Variants in ANXA3 observed in about 807,000 individuals in gnomAD.
The protein encoded by ANXA3 is 35-alpha calcimedin.
In ANXA3, 46 loss-of-function variants were observed where a neutral mutation model predicts 48.8. The observed-to-expected ratio is 0.94, with a 90% CI of 0.74 to 1.21. The LOEUF (loss-of-function observed/expected upper bound fraction) is 1.21, where lower values mean the gene tolerates loss of function less well. ANXA3 is among the 50% of genes most tolerant of loss of function. ANXA3 has a pLI of 0.00. For missense variants in ANXA3, 383 were observed against 378.6 expected, an observed-to-expected ratio of 1.01 and a Z score of -0.10; for synonymous variants, 128 against 134.7, an observed-to-expected ratio of 0.95 and a Z score of 0.35.
At chr4:78,559,805 C>T (rs1451596752) in intron 2 of ANXA3, among the ~76,000 whole-genome samples, 1 of 152,204 alleles carries the variant, frequency 6.6e-6, no homozygotes, top group Non-Finnish European at 1.5e-5. Context: ...TAGTGCTTAT[C>T]TCATCTACGG....
At chr4:78,589,546 C>A (rs986419400) in intron 6 of ANXA3, among the ~76,000 whole-genome samples, 1 of 152,172 alleles carries the variant, frequency 6.6e-6, no homozygotes, top group Non-Finnish European at 1.5e-5. Flanking sequence ...TTCCTTTTTG[C>A]TTCTAATGTT....
At chr4:78,564,396 C>G (rs1722687551) in intron 2 of ANXA3, among the ~76,000 whole-genome samples, 2 of 152,236 alleles carry the variant, frequency 1.3e-5, no homozygotes, top group Non-Finnish European at 1.5e-5. Flanking sequence ...AGCCAACCAT[C>G]TAGTGTAGAG....
intron 2 of ANXA3, among the ~76,000 whole-genome samples, chr4:78,568,439 C>G (rs1301191523): frequency 6.6e-6 from 1 of 152,178 alleles, no homozygotes; most frequent in Non-Finnish European, 1.5e-5. Context: ...GGAGTTTTAT[C>G]TGGAGCTTTG....
chr4:78,567,653 G>A (rs1722759747), intron 2 of ANXA3, among the ~76,000 whole-genome samples: 1 of 152,108 alleles, frequency 6.6e-6, no homozygotes, highest in Admixed American at 6.5e-5. Context: ...CTTGCAGGTG[G>A]GGCAGTGAAG....
intron 6 of ANXA3, among the ~76,000 whole-genome samples, chr4:78,588,009 T>C (rs1215975502): frequency 6.6e-6 from 1 of 152,198 alleles, no homozygotes; most frequent in South Asian, 2.1e-4. Flanking sequence ...GGCAGGAGAA[T>C]TGCTTGAACC....
chr4:78,576,215 A>C (rs1457438655), intron 3 of ANXA3, among the ~76,000 whole-genome samples: 1 of 152,164 alleles, frequency 6.6e-6, no homozygotes, highest in Non-Finnish European at 1.5e-5. Flanking sequence ...TTAGAACTTT[A>C]TATCAATATA....
At chr4:78,572,843 C>A (rs1435594405) in intron 2 of ANXA3, among the ~76,000 whole-genome samples, 2 of 152,144 alleles carry the variant, frequency 1.3e-5, no homozygotes, top group South Asian at 2.1e-4. Context: ...ACTTGGTAGA[C>A]TTCCATTAAT....
chr4:78,588,316 CT>C (rs1477840151), intron 6 of ANXA3, among the ~76,000 whole-genome samples: 1 of 152,126 alleles, frequency 6.6e-6, no homozygotes, highest in African/African-American at 2.4e-5. Context: ...TCACTTGAGT[CT>C]AAGAGATTGA....
intron 12 of ANXA3, among the ~76,000 whole-genome samples, 177 bp downstream of exon 12, chr4:78,604,576 T>C (rs796275311): frequency 9.8e-5 from 15 of 152,348 alleles, no homozygotes; most frequent in African/African-American, 3.4e-4. Flanking sequence ...TTTTCAGCTC[T>C]AAAATCCCAG....
rs146641986 is a variant in ANXA3 at position 78,595,424 on chromosome 4, A to G, written c.527A>G (p.Lys176Arg). 1 of 1,613,450 alleles carries G rather than the reference A, an allele frequency of 6.2e-7. No homozygotes were observed. The highest frequency in any genetic ancestry group is 8.5e-7 in the Non-Finnish European group (1 of 1,179,850). Residue 176 changes from lysine (K) to arginine (R), a missense_variant, in exon 8 of 13, where the codon AAA (lysine) becomes AGA (arginine). By Grantham distance (26) the Lys-to-Arg change is conservative. Coordinates refer to ENST00000264908, the MANE Select transcript of ANXA3 (RefSeq NM_005139.3). ...ESLKVDEHLA[K>R]QDAQILYKAG... ...CTGAAAGTGGATGAGCATCTGGCCA[A>G]ACAAGATGCCCAGGTCAGTAACAAA... is the stretch of plus-strand genomic sequence containing the variant.
chr4:78,554,639 A>G, intron 2 of ANXA3, 151 bp downstream of exon 2: 1 of 636,646 alleles, frequency 1.6e-6, no homozygotes, highest in East Asian at 2.7e-5. Context: ...GTCAAAAATA[A>G]TAAAATATTT....
Position 78,595,831 on chromosome 4 carries a change from A to G in ANXA3, c.578A>G (p.Asp193Gly). The stretch of plus-strand genomic sequence containing the variant: ...GCTGGTGAGAACAGATGGGGCACGG[A>G]TGAAGACAAATTCACTGAGATCCTG... ...YKAGENRWGT[D>G]EDKFTEILCL... The change falls in exon 9 of 13, where the codon GAT (aspartate) becomes GGT (glycine). Residue 193 changes from aspartate (D) to glycine (G), a missense_variant. Asp to Gly is a moderately conservative substitution (Grantham distance 94). Transcript: ENST00000264908. 6.2e-7 allele frequency: 1 copy of G among 1,612,818 alleles called. No individual in the cohort carries two copies. Among genetic ancestry groups the G allele is most frequent in the Non-Finnish European group, 8.5e-7 (1 of 1,178,856 alleles).
At position 78,579,139 on chromosome 4, in the gene ANXA3, T is replaced by C. The variant is rs760464307; in HGVS notation, c.198+18T>C. 2 of 1,549,220 alleles carry C rather than the reference T, an allele frequency of 1.3e-6. No individual in the cohort carries two copies. Among genetic ancestry groups the C allele is most frequent in the Admixed American group, 1.7e-5 (1 of 59,680 alleles). ...ATGGAAAGGTAAGGTCACATTAACATGACAGGCAGTAAAGAGATCATTAAT... is the reference window on the plus strand; with the variant it reads ...ATGGAAAGGTAAGGTCACATTAACACGACAGGCAGTAAAGAGATCATTAAT... On this transcript the variant is annotated intron_variant, in intron 4 of 12. Transcript: ENST00000264908.
At chr4:78,575,556 T>TG (rs113369024) in intron 3 of ANXA3, among the ~76,000 whole-genome samples, 17,569 of 152,136 alleles carry the variant, frequency 0.12, 3,233 homozygotes, top group African/African-American at 0.39. Context: ...AGATGTGACT[T>TG]CTCCTCCTTC....
At position 78,594,496 on chromosome 4, in the gene ANXA3, A is replaced by C. The variant is rs113044712; in HGVS notation, c.484-885A>C. Among the ~76,000 whole-genome samples the C allele has an allele frequency of 3.3e-3, 509 of 152,358 alleles. 4 individuals carry two copies. The highest frequency in any genetic ancestry group is 0.024 in the Middle Eastern group (7 of 294). Reference sequence around the variant, plus strand: ...AAAGTGACTGTACCATTTTGCTTTCATATCAGCAGTGAATGAGAGTTCCTG... The same window carrying C: ...AAAGTGACTGTACCATTTTGCTTTCCTATCAGCAGTGAATGAGAGTTCCTG... On this transcript the variant is annotated intron_variant, in intron 7 of 12. Coordinates refer to ENST00000264908, the MANE Select transcript of ANXA3 (RefSeq NM_005139.3).
chr4:78,584,210 G>A (rs902535232), intron 5 of ANXA3, among the ~76,000 whole-genome samples: 3 of 152,078 alleles, frequency 2.0e-5, no homozygotes, highest in Non-Finnish European at 4.4e-5. Context: ...ACAAGGTCTC[G>A]CTTCATTGCC....
rs1011893971 is a variant in ANXA3 at position 78,596,550 on chromosome 4, C to T, written c.634+663C>T. On this transcript the variant is annotated intron_variant, in intron 9 of 12. Coordinates refer to ENST00000264908, the MANE Select transcript of ANXA3 (RefSeq NM_005139.3). ...CAAGACCAAGCTTATGCTGAGTTGA[C>T]GGAACAATGAGTAAACATAAGGATA... Among the ~76,000 whole-genome samples, 6 of 152,228 alleles carry T rather than the reference C, an allele frequency of 3.9e-5. No homozygotes were observed. The South Asian group carries it at 6.2e-4, about 16-fold the overall frequency.
At chr4:78,583,943 A>G (rs1010912711) in intron 5 of ANXA3, among the ~76,000 whole-genome samples, 8 of 152,350 alleles carry the variant, frequency 5.3e-5, no homozygotes, top group African/African-American at 9.6e-5. Flanking sequence ...AAGTGGCATT[A>G]TAGCCTGGCC....
chr4:78,601,709 A>G, intron 11 of ANXA3, 141 bp downstream of exon 11: 1 of 696,412 alleles, frequency 1.4e-6, no homozygotes, highest in Non-Finnish European at 2.4e-6. Context: ...ACAGCAAATC[A>G]AGGTATGATA....
Sources: gnomAD v4.1 joint callset for allele counts (sites outside exome capture counted in the v4.1 genomes callset) on GRCh38, gnomAD v4.1.1 for gene constraint, MANE v1.5 for transcripts, NCBI Gene and HGNC (gene_info 2026-07-23, HGNC 2026-07-21) for gene names.